The following TBC1D8 variants were observed in gnomAD, a reference collection of about 807,000 sequenced individuals.
TBC1D8 encodes the protein BUB2-like protein 1.
In TBC1D8, 65 loss-of-function variants were observed where a neutral mutation model predicts 118.8. The observed-to-expected ratio is 0.55, with a 90% CI of 0.45 to 0.67. The LOEUF is 0.67. Among genes scored for constraint, TBC1D8 ranks in the 30% least tolerant of loss-of-function variants. The pLI, the probability that TBC1D8 is intolerant of heterozygous loss-of-function variation, is 0.00. For synonymous variants in TBC1D8, 566 were observed against 595.8 expected (o/e 0.95, Z 0.73); for missense variants, 1,376 against 1,471.2 (o/e 0.94, Z 1.06).
chr2:101,126,756 T>C (rs1678374957), intron 1 of TBC1D8, among the ~76,000 whole-genome samples: 1 of 152,254 alleles, frequency 6.6e-6, no homozygotes, highest in Admixed American at 6.5e-5. Context: ...AGCTGGCTGT[T>C]CTTCCTTGGA....
chr2:101,064,080 T>C (rs1682900164), intron 2 of TBC1D8, among the ~76,000 whole-genome samples: 1 of 152,166 alleles, frequency 6.6e-6, no homozygotes, highest in Non-Finnish European at 1.5e-5. Flanking sequence ...AGAGCTGCTA[T>C]TATGGCCTGA....
chr2:101,059,870 C>T lies in TBC1D8; in HGVS notation c.284-331G>A, dbSNP rs1017178602. Among the ~76,000 whole-genome samples the T allele has an allele frequency of 1.1e-4, 16 of 152,150 alleles. No individual in the cohort carries two copies. The East Asian group carries it at 2.9e-3, about 28-fold the overall frequency. On this transcript the variant is annotated intron_variant, in intron 2 of 19. Coordinates refer to ENST00000409318, the MANE Select transcript of TBC1D8 (RefSeq NM_001330348.2). The stretch of plus-strand genomic sequence containing the variant: ...AGGAGAATGGCATGAACCCAGGAGG[C>T]GGAGCTTGCAGTGAGCCGAGATGGC...
At chr2:101,012,593 A>T (rs1679303231) in intron 17 of TBC1D8, among the ~76,000 whole-genome samples, 1 of 149,848 alleles carries the variant, frequency 6.7e-6, no homozygotes, top group Non-Finnish European at 1.5e-5. Flanking sequence ...TCTAAAATTG[A>T]TTGTGGTGAT....
chr2:101,007,956 CTG>C lies in TBC1D8; in HGVS notation c.3331_3332del (p.Gln1111ValfsTer7), dbSNP rs1678862436. 1 of 1,614,030 alleles carries C rather than the reference CTG, an allele frequency of 6.2e-7. No homozygotes were observed. Among genetic ancestry groups the C allele is most frequent in the Non-Finnish European group, 8.5e-7 (1 of 1,179,908 alleles). On this transcript the variant is annotated frameshift_variant, in exon 20 of 20. Transcript: ENST00000409318. LOFTEE classifies it high-confidence loss of function. ...EHILASLLTE[Q>X]SLVNFFEKPL... ...GCTTTTCAAAAAAGTTGACTAATGA[CTG>C]TTCAGTCAGAAGTGAAGCTAAAATA...
intron 2 of TBC1D8, among the ~76,000 whole-genome samples, chr2:101,088,949 AAAC>A (rs1302814866): frequency 2.2e-5 from 3 of 139,046 alleles, no homozygotes; most frequent in Admixed American, 7.4e-5. Flanking sequence ...TTAAAAAACA[AAAC>A]AAACTGAAAA....
intron 1 of TBC1D8, among the ~76,000 whole-genome samples, chr2:101,098,597 T>C (rs1296695245): frequency 6.6e-6 from 1 of 152,150 alleles, no homozygotes; most frequent in African/African-American, 2.4e-5. Context: ...TATTCTAAAA[T>C]TGACCACATA....
chr2:101,050,693 C>T, intron 4 of TBC1D8, 52 bp from the exon 5 acceptor site: 1 of 1,587,082 alleles, frequency 6.3e-7, no homozygotes, highest in Non-Finnish European at 8.6e-7. Flanking sequence ...TTGAGCCAAA[C>T]TTGAGTGTGT....
intron 1 of TBC1D8, among the ~76,000 whole-genome samples, chr2:101,126,890 T>C (rs1396806393): frequency 2.0e-5 from 3 of 152,240 alleles, no homozygotes; most frequent in African/African-American, 7.2e-5. Flanking sequence ...AGTTTAATTC[T>C]ATTTCTGAGC....
At chr2:101,127,377 T>A (rs547612815) in intron 1 of TBC1D8, among the ~76,000 whole-genome samples, 2 of 147,426 alleles carry the variant, frequency 1.4e-5, no homozygotes, top group African/African-American at 4.9e-5. Flanking sequence ...TCAGGTCCCA[T>A]ATGGCCCTAA....
rs181228343 is a variant in TBC1D8, at chr2:101,066,058, G to T, written c.284-6519C>A. On this transcript the variant is annotated intron_variant, in intron 2 of 19. Coordinates refer to ENST00000409318, the MANE Select transcript of TBC1D8 (RefSeq NM_001330348.2). Reference sequence around the variant, plus strand: ...ACACTTTGGGAGGCCGAGGCAGGCAGATCACCTGATCAGGAGTTTGAGACC... The same window carrying T: ...ACACTTTGGGAGGCCGAGGCAGGCATATCACCTGATCAGGAGTTTGAGACC... Among the ~76,000 whole-genome samples, 369 of 152,284 alleles carry T rather than the reference G, an allele frequency of 2.4e-3. 3 individuals are homozygous for T. Among genetic ancestry groups the T allele is most frequent in the Admixed American group, 5.5e-3 (84 of 15,294 alleles).
chr2:101,008,181 G>T lies in TBC1D8; in HGVS notation c.3108C>A (p.Thr1036=). Residue 1036 remains threonine, a synonymous_variant, in exon 20 of 20, where the codon ACC becomes ACA. Transcript: ENST00000409318. ...NDLYQAIATV[T]TLLLQIGEVG... is the part of the protein sequence containing the mutation. The stretch of plus-strand genomic sequence containing the variant: ...CCTCCCCGATCTGCAGCAGCAGTGT[G>T]GTGACTGTGGCGATGGCTTGATACA... The T allele has an allele frequency of 1.9e-6, 3 of 1,613,510 alleles. No homozygotes were observed. The highest frequency in any genetic ancestry group is 2.5e-6 in the Non-Finnish European group (3 of 1,179,666).
intron 2 of TBC1D8, among the ~76,000 whole-genome samples, chr2:101,079,294 C>A (rs1246426386): frequency 6.6e-6 from 1 of 152,210 alleles, no homozygotes; most frequent in African/African-American, 2.4e-5. Context: ...CTGCTCTACG[C>A]AGAAGTTACC....
At chr2:101,076,866 T>TA (rs1305458014) in intron 2 of TBC1D8, among the ~76,000 whole-genome samples, 1 of 152,122 alleles carries the variant, frequency 6.6e-6, no homozygotes, top group Non-Finnish European at 1.5e-5. Flanking sequence ...CACATTGCTA[T>TA]AAAGAAATAC....
rs189099047 is a variant in TBC1D8, at chr2:101,052,531, C to A, written c.631+1577G>T. Among the ~76,000 whole-genome samples, 235 of 143,334 alleles carry A rather than the reference C, an allele frequency of 1.6e-3. 3 individuals carry two copies. Among genetic ancestry groups the A allele is most frequent in the East Asian group, 2.0e-3 (10 of 4,978 alleles). The allele number at this position is 143,334 out of a possible 152,430, so 94.0% of individuals were successfully genotyped here. A position where few individuals can be genotyped will look rare whatever the true frequency, so the allele number is the denominator to read the frequency against. On this transcript the variant is annotated intron_variant, in intron 4 of 19. Transcript: ENST00000409318. ...TTGCTTTATCACCCAGGCTGGAGTG[C>A]GCTGGTGCAATCTCGGCTCACTGCA...
intron 2 of TBC1D8, among the ~76,000 whole-genome samples, chr2:101,075,115 C>T (rs181186239): frequency 2.7e-4 from 41 of 152,048 alleles, no homozygotes; most frequent in African/African-American, 8.4e-4. Flanking sequence ...TCATAGAAGT[C>T]GGCTGGGCTC....
intron 1 of TBC1D8, among the ~76,000 whole-genome samples, chr2:101,124,331 C>T (rs554365864): frequency 3.9e-5 from 6 of 152,328 alleles, no homozygotes; most frequent in Admixed American, 1.3e-4. Flanking sequence ...GTGACTAAGA[C>T]AAGCTCATTT....
At chr2:101,122,720 G>T (rs535934847) in intron 1 of TBC1D8, among the ~76,000 whole-genome samples, 2 of 152,154 alleles carry the variant, frequency 1.3e-5, no homozygotes, top group African/African-American at 4.8e-5. Flanking sequence ...TAGACTATTT[G>T]AGTTTTCAAT....
At chr2:101,086,691 G>C (rs1675651690) in intron 2 of TBC1D8, among the ~76,000 whole-genome samples, 1 of 152,134 alleles carries the variant, frequency 6.6e-6, no homozygotes, top group South Asian at 2.1e-4. Context: ...GCTTCCCTAG[G>C]CCACATTGGA....
rs759875939 is a variant in TBC1D8 at position 101,054,173 on chromosome 2, C to T, written c.566G>A (p.Arg189His). Residue 189 changes from arginine to histidine, a missense_variant, in exon 4 of 20, where the codon CGC becomes CAC. Transcript: ENST00000409318. ...GATGCTGAGGTACAGCCAGCCCTGG[C>T]GGGGCACCCTGCCCTTCCAACAGCA... Reference protein sequence around the residue: ...SCCCWKGRVPRQGWLYLSINH... With the variant: ...SCCCWKGRVPHQGWLYLSINH... The T allele has an allele frequency of 8.0e-5, 129 of 1,613,458 alleles. No homozygotes were observed. The highest frequency in any genetic ancestry group is 9.7e-5 in the Non-Finnish European group (114 of 1,179,770).
Sources: gnomAD v4.1 joint callset for allele counts (sites outside exome capture counted in the v4.1 genomes callset) on GRCh38, gnomAD v4.1.1 for gene constraint, MANE v1.5 for transcripts, NCBI Gene and HGNC (gene_info 2026-07-23, HGNC 2026-07-21) for gene names.